The following NCOA1 variants were observed in gnomAD, a reference collection of about 807,000 sequenced individuals.
The protein encoded by NCOA1 is nuclear receptor coactivator 1.
In NCOA1, 35 loss-of-function variants were observed where a neutral mutation model predicts 150.9. That is an observed-to-expected ratio of 0.23 (90% confidence interval 0.18 to 0.31). The LOEUF (loss-of-function observed/expected upper bound fraction) is 0.31. Ranked by LOEUF, NCOA1 falls within the 10% of genes least tolerant of loss-of-function variation. The probability of loss-of-function intolerance (pLI) is 1.00; values close to 1 mark genes in which losing one functional copy is unlikely to be tolerated. For missense variants in NCOA1, 1,491 were observed against 1,749.3 expected (o/e 0.85, Z 2.63); for synonymous variants, 590 against 630.0 (o/e 0.94, Z 0.95).
intron 1 of NCOA1, among the ~76,000 whole-genome samples, chr2:24,524,871 A>G (rs548817908): frequency 9.9e-5 from 15 of 152,272 alleles, no homozygotes; most frequent in Non-Finnish European, 1.3e-4. Context: ...TGGCCTCCCA[A>G]AGTGCTGGGA....
At chr2:24,666,023 A>C in intron 6 of NCOA1, 108 bp downstream of exon 6, 1 of 685,052 alleles carries the variant, frequency 1.5e-6, no homozygotes, top group East Asian at 7.3e-5. Context: ...TATTATTATT[A>C]TTTTTTGAGA....
At chr2:24,733,364 A>G (rs1415968380) in intron 17 of NCOA1, among the ~76,000 whole-genome samples, 2 of 152,246 alleles carry the variant, frequency 1.3e-5, no homozygotes, top group Non-Finnish European at 2.9e-5. Context: ...CGCACTAAAA[A>G]TTAAGTCATT....
At chr2:24,533,592 A>G (rs1241067019) in intron 1 of NCOA1, among the ~76,000 whole-genome samples, 3 of 152,130 alleles carry the variant, frequency 2.0e-5, no homozygotes, top group Admixed American at 2.0e-4. Context: ...TTTCTCATAA[A>G]TAGCTCTTAT....
At chr2:24,544,655 C>T (rs2148203714) in intron 1 of NCOA1, among the ~76,000 whole-genome samples, 1 of 152,172 alleles carries the variant, frequency 6.6e-6, no homozygotes, top group East Asian at 1.9e-4. Context: ...GGGAGGAGCA[C>T]CTGAGCTCAG....
In NCOA1 at chr2:24,769,195, A is replaced by G. The variant is rs1213929019; in HGVS notation, c.*804A>G. 5.1e-6 allele frequency: 1 copy of G among 196,138 alleles called. No individual in the cohort carries two copies. The highest frequency in any genetic ancestry group is 1.1e-5 in the Non-Finnish European group (1 of 94,344). The allele number at this position is 196,138 out of a possible 1,614,324, so 12.1% of individuals were successfully genotyped here. ...TGTTTTTTCTGCTTTTATTGTATTA[A>G]CAGCTGAGGTAGCTAAAGTTATTTA... On this transcript the variant is annotated 3_prime_UTR_variant, in exon 23 of 23. Transcript: ENST00000348332.
intron 6 of NCOA1, among the ~76,000 whole-genome samples, chr2:24,670,139 G>A (rs201906599): frequency 2.0e-5 from 3 of 151,472 alleles, no homozygotes; most frequent in Non-Finnish European, 2.9e-5. Context: ...AGTGTCTTAG[G>A]AAAAAAAACA....
intron 4 of NCOA1, among the ~76,000 whole-genome samples, chr2:24,646,412 T>C (rs913497442): frequency 1.3e-5 from 2 of 152,216 alleles, no homozygotes; most frequent in African/African-American, 4.8e-5. Flanking sequence ...ACAACATTTT[T>C]TATTGCTGTT....
chr2:24,516,934 A>ATATATACACG (rs1558758341), intron 1 of NCOA1, among the ~76,000 whole-genome samples: 1 of 49,364 alleles, frequency 2.0e-5, no homozygotes, highest in Non-Finnish European at 5.6e-5. Flanking sequence ...GCGCGTGTGT[A>ATATATACACG]TATATATACG....
chr2:24,738,718 C>T (rs1324706410), intron 17 of NCOA1, among the ~76,000 whole-genome samples: 4 of 152,178 alleles, frequency 2.6e-5, no homozygotes, highest in African/African-American at 9.7e-5. Context: ...TGTAACCCAT[C>T]ATTTCCAGTA....
At chr2:24,589,696 C>T (rs1406517910) in intron 3 of NCOA1, among the ~76,000 whole-genome samples, 10 of 151,596 alleles carry the variant, frequency 6.6e-5, no homozygotes, top group South Asian at 4.2e-4. Flanking sequence ...TGCGCACACG[C>T]GCCACGTGTC....
At chr2:24,747,905 G>A (rs936357447) in intron 19 of NCOA1, among the ~76,000 whole-genome samples, 12 of 152,040 alleles carry the variant, frequency 7.9e-5, no homozygotes, top group African/African-American at 2.4e-4. Flanking sequence ...TCGGAAGTTC[G>A]AGACCAGCCT....
intron 18 of NCOA1, 104 bp downstream of exon 18, chr2:24,739,637 T>C: frequency 1.3e-6 from 1 of 777,812 alleles, no homozygotes; most frequent in South Asian, 1.8e-5. Context: ...GCTGATCTTT[T>C]AATGATGTTT....
At chr2:24,743,390 A>G (rs1663707811) in intron 19 of NCOA1, among the ~76,000 whole-genome samples, 1 of 152,234 alleles carries the variant, frequency 6.6e-6, no homozygotes, top group African/African-American at 2.4e-5. Flanking sequence ...TATCAAATTA[A>G]GTATCTAAAG....
intron 3 of NCOA1, among the ~76,000 whole-genome samples, chr2:24,640,889 CT>C (rs1670183795): frequency 6.6e-6 from 1 of 151,934 alleles, no homozygotes; most frequent in African/African-American, 2.4e-5. Context: ...TGCTTTTTCC[CT>C]AGTTTCCATC....
At chr2:24,629,998 C>T (rs904379997) in intron 3 of NCOA1, among the ~76,000 whole-genome samples, 6 of 151,620 alleles carry the variant, frequency 4.0e-5, no homozygotes, top group South Asian at 2.1e-4. Context: ...CATCTGCCAT[C>T]ACGCCCGGCT....
intron 1 of NCOA1, among the ~76,000 whole-genome samples, chr2:24,546,254 A>G (rs565723588): frequency 6.6e-6 from 1 of 152,228 alleles, no homozygotes; most frequent in Admixed American, 6.5e-5. Flanking sequence ...CATCAGATAC[A>G]AGACAGACTA....
chr2:24,718,375 G>A (rs1273994706), intron 14 of NCOA1, among the ~76,000 whole-genome samples: 3 of 152,044 alleles, frequency 2.0e-5, no homozygotes, highest in African/African-American at 7.2e-5. Context: ...CATGTAAAGT[G>A]GTATAGCAAA....
At chr2:24,691,419 A>G in intron 8 of NCOA1, 62 bp from the exon 9 acceptor site, 1 of 1,483,798 alleles carries the variant, frequency 6.7e-7, no homozygotes, top group Non-Finnish European at 9.3e-7. Flanking sequence ...CATCTTTTGT[A>G]TCTTCAGAGT....
At chr2:24,600,766 A>G (rs1668076710) in intron 3 of NCOA1, among the ~76,000 whole-genome samples, 2 of 152,298 alleles carry the variant, frequency 1.3e-5, no homozygotes, top group South Asian at 4.2e-4. Flanking sequence ...TCTAATTTCC[A>G]TCCTCCAAAC....
Sources: gnomAD v4.1 joint callset for allele counts (sites outside exome capture counted in the v4.1 genomes callset) on GRCh38, gnomAD v4.1.1 for gene constraint, MANE v1.5 for transcripts, NCBI Gene and HGNC (gene_info 2026-07-23, HGNC 2026-07-21) for gene names.